Variants in DNAH11 observed in about 807,000 individuals in gnomAD.
DNAH11 encodes the protein dynein axonemal heavy chain 11.
DNAH11 carries 442 observed loss-of-function variants against 526.0 expected under a neutral mutation model. The observed-to-expected ratio is 0.84, with a 90% confidence interval of 0.78 to 0.91. DNAH11 has a LOEUF of 0.91. Ranked by LOEUF, DNAH11 falls within the 40% of genes least tolerant of loss-of-function variation. The pLI is 0.00. For synonymous variants in DNAH11, 2,461 were observed against 1,935.9 expected (o/e 1.27, Z -7.12); for missense variants, 6,989 against 5,448.7 (o/e 1.28, Z -8.90).
At chr7:21,550,336 G>A (rs1444600064) in intron 2 of DNAH11, among the ~76,000 whole-genome samples, 1 of 152,146 alleles carries the variant, frequency 6.6e-6, no homozygotes, top group African/African-American at 2.4e-5. Flanking sequence ...CTCAAGAGGT[G>A]AAGTTTGAGT....
chr7:21,726,011 A>T (rs1320053642), intron 45 of DNAH11, 27 bp downstream of exon 45: 1 of 1,508,308 alleles, frequency 6.6e-7, no homozygotes, highest in African/African-American at 1.4e-5. Flanking sequence ...TAGCAATTGT[A>T]TTAGTCTGTT....
intron 64 of DNAH11, among the ~76,000 whole-genome samples, chr7:21,817,027 C>A (rs1032514478): frequency 6.6e-6 from 1 of 152,064 alleles, no homozygotes; most frequent in African/African-American, 2.4e-5. Flanking sequence ...GATAGTAACA[C>A]AAGAATTGTC....
chr7:21,821,861 C>T (rs1003371653), intron 65 of DNAH11, among the ~76,000 whole-genome samples: 9 of 152,068 alleles, frequency 5.9e-5, no homozygotes, highest in African/African-American at 1.9e-4. Context: ...CCACCTCCCC[C>T]GCCAGCTTCT....
In DNAH11 at chr7:21,875,647, C is replaced by G. The variant is rs1052924564; in HGVS notation, c.12195+2146C>G. On this transcript the variant is annotated intron_variant, in intron 74 of 81. Coordinates refer to ENST00000409508, the MANE Select transcript of DNAH11 (RefSeq NM_001277115.2). ...CTGTGCTTCAGCCTGGGCAACAGAGCGAGACACTGTCTCAAAAAATAATAA... is the reference window on the plus strand; with the variant it reads ...CTGTGCTTCAGCCTGGGCAACAGAGGGAGACACTGTCTCAAAAAATAATAA... Among the ~76,000 whole-genome samples, 6 of 151,944 alleles carry G rather than the reference C, an allele frequency of 3.9e-5. No individual in the cohort carries two copies. The South Asian group carries it at 1.0e-3, about 26-fold the overall frequency.
At chr7:21,874,416 A>G (rs1259920944) in intron 74 of DNAH11, among the ~76,000 whole-genome samples, 1 of 151,764 alleles carries the variant, frequency 6.6e-6, no homozygotes, top group Non-Finnish European at 1.5e-5. Flanking sequence ...GCTCACTGCA[A>G]CCTCAGCCTC....
At position 21,750,293 on chromosome 7, in the gene DNAH11, G is replaced by A. The variant is rs767946129; in HGVS notation, c.8869G>A (p.Ala2957Thr). 6.2e-7 allele frequency: 1 copy of A among 1,605,238 alleles called. No homozygotes were observed. Among genetic ancestry groups the A allele is most frequent in the Non-Finnish European group, 8.5e-7 (1 of 1,175,610 alleles). ...TTCTGGAATTCATAATGAAGTTCATGCTCTGGGCATGGTAGACTCCAGGGA... is the reference window on the plus strand; with the variant it reads ...TTCTGGAATTCATAATGAAGTTCATACTCTGGGCATGGTAGACTCCAGGGA... ...IISGIHNEVH[A>T]LGMVDSRENC... Residue 2957 changes from alanine (A) to threonine (T), a missense_variant, in exon 54 of 82, where the codon GCT becomes ACT. Physicochemically the swap from Ala to Thr is moderately conservative, Grantham distance 58 (BLOSUM62 0). Coordinates refer to ENST00000409508, the MANE Select transcript of DNAH11 (RefSeq NM_001277115.2).
chr7:21,802,623 G>A (rs1304406691), intron 62 of DNAH11, among the ~76,000 whole-genome samples: 1 of 152,014 alleles, frequency 6.6e-6, no homozygotes, highest in Non-Finnish European at 1.5e-5. Flanking sequence ...AATGTTAATA[G>A]CATTCATCTA....
In DNAH11 at chr7:21,543,189, G is replaced by T. The variant is rs1056603995; in HGVS notation, c.-57G>T. 140 of 1,458,954 alleles carry T rather than the reference G, an allele frequency of 9.6e-5. No individual in the cohort carries two copies. Among genetic ancestry groups the T allele is most frequent in the African/African-American group, 5.4e-4 (38 of 70,192 alleles). 90.4% of individuals were successfully genotyped at this position (1,458,954 alleles called of 1,614,324 possible). ...GAGGTGTCCTCGCTCACTTCGGGGG[G>T]CCCAGAGTCTCGGGTGAGGAGCCAG... On this transcript the variant is annotated 5_prime_UTR_variant, in exon 1 of 82. Transcript: ENST00000409508.
At chr7:21,808,146 T>C in intron 63 of DNAH11, 97 bp downstream of exon 63, 1 of 964,690 alleles carries the variant, frequency 1.0e-6, no homozygotes, top group Non-Finnish European at 1.4e-6. Context: ...TGGACGTCTG[T>C]AATGAGAACT....
At chr7:21,729,476 C>T (rs937510845) in intron 45 of DNAH11, among the ~76,000 whole-genome samples, 19 of 152,152 alleles carry the variant, frequency 1.2e-4, no homozygotes, top group Admixed American at 2.6e-4. Flanking sequence ...GTTCTAGTTC[C>T]TTTCTGCTTA....
chr7:21,668,601 T>G lies in DNAH11; in HGVS notation c.5328+9570T>G, dbSNP rs139470425. 1.3e-3 allele frequency among the ~76,000 whole-genome samples: 201 copies of G among 152,316 alleles called. 1 individual carries two copies. Among genetic ancestry groups the G allele is most frequent in the Middle Eastern group, 6.8e-3 (2 of 294 alleles). On this transcript the variant is annotated intron_variant, in intron 30 of 81. Transcript: ENST00000409508. ...GTTAGCCAGCAAGTAGGATAAAATT[T>G]CAGACCCCTCACATTTTTCAACGAA... is the stretch of plus-strand genomic sequence containing the variant.
chr7:21,552,607 T>A (rs1367177041), intron 2 of DNAH11, among the ~76,000 whole-genome samples: 1 of 152,206 alleles, frequency 6.6e-6, no homozygotes, highest in African/African-American at 2.4e-5. Context: ...CTGTGTATTA[T>A]AACAACTGGG....
chr7:21,683,045 A>G (rs942276974), intron 31 of DNAH11, among the ~76,000 whole-genome samples: 3 of 152,220 alleles, frequency 2.0e-5, no homozygotes, highest in Non-Finnish European at 2.9e-5. Context: ...GATGATTTCA[A>G]GTAGGATAAA....
At chr7:21,561,441 C>A in intron 5 of DNAH11, 1 of 285,430 alleles carries the variant, frequency 3.5e-6, no homozygotes, top group Non-Finnish European at 6.2e-6. Context: ...GGCCTTCATT[C>A]GGAGTTAAAA....
intron 61 of DNAH11, among the ~76,000 whole-genome samples, chr7:21,793,778 C>T (rs1307997145): frequency 6.6e-6 from 1 of 152,128 alleles, no homozygotes; most frequent in East Asian, 1.9e-4. Flanking sequence ...GTGTTGAAGT[C>T]CCCTGCTATT....
intron 52 of DNAH11, 65 bp downstream of exon 52, chr7:21,748,807 G>A (rs577624987): frequency 6.6e-7 from 1 of 1,510,080 alleles, no homozygotes; most frequent in East Asian, 2.4e-5. Context: ...GAGGCTCCTA[G>A]TGCGCCCGTG....
rs527829258 is a variant in DNAH11 at position 21,759,258 on chromosome 7, C to T, written c.8941-6170C>T. Among the ~76,000 whole-genome samples, 35 of 152,206 alleles carry T rather than the reference C, an allele frequency of 2.3e-4. No individual in the cohort carries two copies. In the Middle Eastern group the frequency reaches 0.014, roughly 59 times the overall value. ...AAAGAAAGAAAAATTAACTAAAACT[C>T]GCTGATGTCAAACATTACCTCTAGC... On this transcript the variant is annotated intron_variant, in intron 54 of 81. Transcript: ENST00000409508.
At chr7:21,758,606 T>C (rs1017142567) in intron 54 of DNAH11, among the ~76,000 whole-genome samples, 1 of 151,946 alleles carries the variant, frequency 6.6e-6, no homozygotes, top group Non-Finnish European at 1.5e-5. Flanking sequence ...ATAAAGGTTA[T>C]GTAAGATAAC....
At chr7:21,605,326 C>G (rs1378274046) in intron 18 of DNAH11, among the ~76,000 whole-genome samples, 15 of 152,202 alleles carry the variant, frequency 9.9e-5, no homozygotes, top group Non-Finnish European at 1.6e-4. Flanking sequence ...AACAATTTCA[C>G]TGTCCCAGGA....
Sources: gnomAD v4.1 joint callset for allele counts (sites outside exome capture counted in the v4.1 genomes callset) on GRCh38, gnomAD v4.1.1 for gene constraint, MANE v1.5 for transcripts, NCBI Gene and HGNC (gene_info 2026-07-23, HGNC 2026-07-21) for gene names.